GAB3: variants seen among roughly 807,000 people sequenced by gnomAD.
GAB3 encodes the protein GRB2 associated binding protein 3, also known as GRB2-associated-binding protein 3.
In GAB3, 12 loss-of-function variants were observed where a neutral mutation model predicts 40.4. That is an observed-to-expected ratio of 0.30 (90% CI 0.19 to 0.48). GAB3 has a LOEUF of 0.48. Ranked by LOEUF, GAB3 falls within the 20% of genes least tolerant of loss-of-function variation. The pLI is 0.99. For missense variants in GAB3, 381 were observed against 461.9 expected (o/e 0.82, Z 1.61); for synonymous variants, 154 against 176.7 (o/e 0.87, Z 1.02).
At chrX:154,734,387 T>A (rs782401721) in intron 1 of GAB3, among the ~76,000 whole-genome samples, 2 of 112,942 alleles carry the variant, frequency 1.8e-5, no homozygotes, top group Non-Finnish European at 3.7e-5. Context: ...ATAGGCTGAA[T>A]TACTTGGATA....
upstream of GAB3, among the ~76,000 whole-genome samples, chrX:154,751,291 G>C (rs1230322972): frequency 1.5e-4 from 14 of 91,529 alleles, no homozygotes; most frequent in Non-Finnish European, 2.7e-4. Context: ...GCCCGGGGGG[G>C]GGGTGTGGGG....
chrX:154,704,843 G>A (rs2070784859), intron 4 of GAB3, among the ~76,000 whole-genome samples: 1 of 111,552 alleles, frequency 9.0e-6, no homozygotes, highest in African/African-American at 3.3e-5. Context: ...CAGAGGAAAA[G>A]GATAAATTCC....
intron 8 of GAB3, 88 bp from the exon 9 acceptor site, chrX:154,680,336 A>G (rs943224635): frequency 2.5e-5 from 14 of 565,757 alleles, no homozygotes; most frequent in Admixed American, 7.8e-5. Context: ...TCACCCAAGC[A>G]GCTGCCATCA....
intron 8 of GAB3, among the ~76,000 whole-genome samples, chrX:154,682,902 C>T (rs899964660): frequency 3.6e-5 from 4 of 111,364 alleles, no homozygotes; most frequent in Admixed American, 9.5e-5. Context: ...TGCTTGAACC[C>T]GGGAGGCAGA....
In GAB3 at chrX:154,712,521, C is replaced by T; in HGVS notation, c.777G>A (p.Trp259Ter). 1 of 1,202,513 alleles carries T rather than the reference C, an allele frequency of 8.3e-7. No individual in the cohort carries two copies. Among genetic ancestry groups the T allele is most frequent in the Non-Finnish European group, 1.1e-6 (1 of 890,827 alleles). The change falls in exon 4 of 10, where the codon TGG becomes TGA. Residue 259 changes from tryptophan to a stop codon, truncating the protein, a stop_gained. Coordinates refer to ENST00000424127, the MANE Select transcript of GAB3 (RefSeq NM_001081573.3). LOFTEE classifies it high-confidence loss of function. ...TGGGTGGCCCATTGATTTCTCTACTCCAGATCAGGGCAGCCTGAGGCCTCG... is the reference window on the plus strand; with the variant it reads ...TGGGTGGCCCATTGATTTCTCTACTTCAGATCAGGGCAGCCTGAGGCCTCG... ...PSSRPQAALI[W>*]SREINGPPRD... is the part of the protein sequence containing the mutation.
chrX:154,726,688 C>T (rs1263566533), intron 1 of GAB3, among the ~76,000 whole-genome samples: 2 of 111,631 alleles, frequency 1.8e-5, no homozygotes, highest in Non-Finnish European at 3.8e-5. Flanking sequence ...TTAACAGGGC[C>T]AAAATGCAGC....
At position 154,712,299 on chromosome X, in the gene GAB3, C is replaced by T. The variant is rs1557256231; in HGVS notation, c.999G>A (p.Lys333=). The part of the protein sequence containing the change: ...QEEWSTHSGS[K]KPECTLVPRR... Reference sequence around the variant, plus strand: ...TTGGAACCAGAGTGCATTCTGGCTTCTTGCTACCACTGTGTGTACTCCACT... The same window carrying T: ...TTGGAACCAGAGTGCATTCTGGCTTTTTGCTACCACTGTGTGTACTCCACT... The change falls in exon 4 of 10, where the codon AAG becomes AAA. Residue 333 remains lysine, a synonymous_variant. Transcript: ENST00000424127. The T allele has an allele frequency of 8.3e-7, 1 of 1,210,387 alleles. No homozygotes were observed. The highest frequency in any genetic ancestry group is 1.1e-6 in the Non-Finnish European group (1 of 894,648).
At chrX:154,750,864 G>T in intron 1 of GAB3, 90 bp downstream of exon 1, 1 of 574,673 alleles carries the variant, frequency 1.7e-6, no homozygotes. Flanking sequence ...TGCGCCTGGC[G>T]CGCCCGGAGC....
rs191632420 is a variant in GAB3 at position 154,735,312 on chromosome X, C to G, written c.72+15642G>C. Reference sequence around the variant, plus strand: ...TCTACGCTTATATTTTGGCAATCTCCGCACTCTCATGTGCTGTGATTATTT... The same window carrying G: ...TCTACGCTTATATTTTGGCAATCTCGGCACTCTCATGTGCTGTGATTATTT... On this transcript the variant is annotated intron_variant, in intron 1 of 9. Transcript: ENST00000424127. Among the ~76,000 whole-genome samples, 860 of 112,347 alleles carry G rather than the reference C, an allele frequency of 7.7e-3. 8 individuals carry two copies. The highest frequency in any genetic ancestry group is 0.027 in the African/African-American group (823 of 30,914).
rs1190333663 is a variant in GAB3 at position 154,701,607 on chromosome X, GA to G, written c.1070-1549del. ...GTGAGGCTCCTCTGCCTTATATTGG[GA>G]AAAACCTAAACACTACACAAGAAAA... On this transcript the variant is annotated intron_variant, in intron 4 of 9. Coordinates refer to ENST00000424127, the MANE Select transcript of GAB3 (RefSeq NM_001081573.3). Among the ~76,000 whole-genome samples the G allele has an allele frequency of 3.6e-5, 4 of 111,891 alleles. No homozygotes were observed. In the Admixed American group the frequency reaches 3.8e-4, roughly 11 times the overall value.
At chrX:154,706,667 C>A (rs1234640991) in intron 4 of GAB3, among the ~76,000 whole-genome samples, 1 of 110,549 alleles carries the variant, frequency 9.0e-6, no homozygotes, top group African/African-American at 3.3e-5. Context: ...AATCCCAGTA[C>A]GTTGGGAAGC....
At chrX:154,728,236 T>C (rs1410180857) in intron 1 of GAB3, among the ~76,000 whole-genome samples, 1 of 111,960 alleles carries the variant, frequency 8.9e-6, no homozygotes, top group South Asian at 3.7e-4. Context: ...GGAGAACCTA[T>C]ACCTATCTGC....
In GAB3 at chrX:154,751,076, A is replaced by C. The variant is rs1203314896; in HGVS notation, c.-51T>G. The C allele has an allele frequency of 1.3e-6, 1 of 770,472 alleles. No individual in the cohort carries two copies. 63.5% of individuals were successfully genotyped at this position (770,472 alleles called of 1,213,427 possible). On this transcript the variant is annotated 5_prime_UTR_variant, in exon 1 of 10. Coordinates refer to ENST00000424127, the MANE Select transcript of GAB3 (RefSeq NM_001081573.3). ...AGCTGGGCCAGCCGCCCGCGGCAGA[A>C]GGAAGTCGGGCCAAGGATGCCGGCG... is the stretch of plus-strand genomic sequence containing the variant.
chrX:154,708,374 C>A (rs1056885989), intron 4 of GAB3, among the ~76,000 whole-genome samples: 1 of 112,042 alleles, frequency 8.9e-6, no homozygotes, highest in Admixed American at 9.5e-5. Flanking sequence ...CAAAAATAAA[C>A]AAGCGGAGCT....
intron 8 of GAB3, among the ~76,000 whole-genome samples, chrX:154,689,953 C>T (rs1250321515): frequency 3.7e-5 from 4 of 108,805 alleles, no homozygotes; most frequent in East Asian, 5.8e-4. Flanking sequence ...GAGCCTGCAT[C>T]GCCAAGTCAA....
chrX:154,704,753 C>T (rs1428871394), intron 4 of GAB3, among the ~76,000 whole-genome samples: 1 of 111,142 alleles, frequency 9.0e-6, no homozygotes, highest in African/African-American at 3.3e-5. Flanking sequence ...AAAAAGGAGG[C>T]ATTACAATAG....
At chrX:154,709,021 G>A (rs2070864469) in intron 4 of GAB3, among the ~76,000 whole-genome samples, 1 of 111,390 alleles carries the variant, frequency 9.0e-6, no homozygotes, top group African/African-American at 3.3e-5. Flanking sequence ...AGTAGGGCCT[G>A]GTGGGAGGTG....
At chrX:154,705,910 C>T (rs1557253481) in intron 4 of GAB3, among the ~76,000 whole-genome samples, 1 of 111,705 alleles carries the variant, frequency 9.0e-6, no homozygotes, top group African/African-American at 3.3e-5. Flanking sequence ...ACAAAATCAA[C>T]ATACAAAAAT....
chrX:154,742,565 G>A (rs182261011), intron 1 of GAB3, among the ~76,000 whole-genome samples: 1 of 110,376 alleles, frequency 9.1e-6, no homozygotes, highest in East Asian at 2.8e-4. Flanking sequence ...TCATGCCATC[G>A]TAAAGCAAAA....
Sources: allele counts gnomAD v4.1 joint callset (sites outside exome capture counted in the v4.1 genomes callset), GRCh38; gene constraint gnomAD v4.1.1; transcripts MANE v1.5; gene names NCBI Gene and HGNC (gene_info 2026-07-23, HGNC 2026-07-21).